LRRC3B: variants seen among roughly 807,000 people sequenced by gnomAD.
LRRC3B encodes leucine-rich repeat-containing protein 3B.
LRRC3B carries 2 observed loss-of-function variants against 12.8 expected under a neutral mutation model. The observed-to-expected ratio is 0.16, with a 90% CI of 0.06 to 0.49. The LOEUF (loss-of-function observed/expected upper bound fraction) is 0.49, where lower values mean the gene tolerates loss of function less well. LRRC3B is among the 20% of genes least tolerant of loss of function. The pLI, the probability that LRRC3B is intolerant of heterozygous loss-of-function variation, is 0.96. For missense variants in LRRC3B, 189 were observed against 319.4 expected (o/e 0.59, Z 3.11); for synonymous variants, 132 against 122.0 (o/e 1.08, Z -0.54).
intron 1 of LRRC3B, among the ~76,000 whole-genome samples, chr3:26,685,523 C>CTCTCTATATA (rs1200535225): frequency 1.0e-4 from 4 of 38,302 alleles, no homozygotes; most frequent in African/African-American, 3.8e-4. Context: ...CTCTCTCTCT[C>CTCTCTATATA]TATATATATA....
intron 1 of LRRC3B, among the ~76,000 whole-genome samples, chr3:26,626,930 C>T (rs963420275): frequency 7.9e-5 from 12 of 152,250 alleles, no homozygotes; most frequent in African/African-American, 2.4e-4. Context: ...GGGAATTTTT[C>T]CTATCACAGG....
intron 1 of LRRC3B, among the ~76,000 whole-genome samples, chr3:26,678,948 G>A (rs141685862): frequency 1.3e-5 from 2 of 152,190 alleles, no homozygotes; most frequent in East Asian, 3.9e-4. Flanking sequence ...GGAGTATTTG[G>A]GTGGGCTCTG....
intron 1 of LRRC3B, chr3:26,624,944 T>TG (rs1251864488): frequency 6.6e-6 from 1 of 152,172 alleles, no homozygotes; most frequent in Non-Finnish European, 1.5e-5. Context: ...TATTTCCTGG[T>TG]GGGGGCACAG....
At chr3:26,676,000 A>G (rs772378106) in intron 1 of LRRC3B, among the ~76,000 whole-genome samples, 1 of 146,418 alleles carries the variant, frequency 6.8e-6, no homozygotes. Flanking sequence ...CCCAATCTTT[A>G]TTTTCATGAC....
intron 1 of LRRC3B, among the ~76,000 whole-genome samples, chr3:26,686,368 C>G (rs184835727): frequency 6.6e-6 from 1 of 152,164 alleles, no homozygotes; most frequent in Non-Finnish European, 1.5e-5. Context: ...CGTGAGCCAC[C>G]GCGCCCGGCC....
At chr3:26,669,231 G>T (rs1559360863) in intron 1 of LRRC3B, among the ~76,000 whole-genome samples, 1 of 152,114 alleles carries the variant, frequency 6.6e-6, no homozygotes, top group Non-Finnish European at 1.5e-5. Context: ...GCAAAAATTC[G>T]ATGGGAAGAT....
intron 1 of LRRC3B, chr3:26,625,254 G>A (rs780747828): frequency 1.3e-5 from 2 of 152,272 alleles, no homozygotes; most frequent in African/African-American, 2.4e-5. Context: ...TGGGTCCCTC[G>A]CCTTGGCCAC....
chr3:26,623,091 C>T (rs569406910), exon 1 of LRRC3B: 12 of 152,264 alleles, frequency 7.9e-5, no homozygotes, highest in African/African-American at 2.9e-4. Context: ...CCGGCCCGGT[C>T]CCAGGTGGGC....
chr3:26,649,921 C>T (rs146002018), intron 1 of LRRC3B, among the ~76,000 whole-genome samples: 1 of 152,024 alleles, frequency 6.6e-6, no homozygotes, highest in African/African-American at 2.4e-5. Flanking sequence ...CCACTTGGAA[C>T]TTTCTCCCTC....
chr3:26,646,221 G>T (rs1277359443), intron 1 of LRRC3B, among the ~76,000 whole-genome samples: 2 of 152,138 alleles, frequency 1.3e-5, no homozygotes, highest in Non-Finnish European at 2.9e-5. Context: ...GAATAATACA[G>T]CAGGAAGCCT....
intron 1 of LRRC3B, among the ~76,000 whole-genome samples, chr3:26,700,389 T>C (rs1700424302): frequency 6.6e-6 from 1 of 152,156 alleles, no homozygotes; most frequent in African/African-American, 2.4e-5. Flanking sequence ...GCATGTTAAA[T>C]GAGACCTGTT....
At chr3:26,651,116 T>G (rs146684194) in intron 1 of LRRC3B, among the ~76,000 whole-genome samples, 153 of 152,344 alleles carry the variant, frequency 1.0e-3, no homozygotes, top group African/African-American at 3.4e-3. Flanking sequence ...TTTGTTCCAT[T>G]CCATGATGAT....
intron 1 of LRRC3B, among the ~76,000 whole-genome samples, chr3:26,632,901 A>G (rs1698788624): frequency 6.6e-6 from 1 of 151,884 alleles, no homozygotes; most frequent in Non-Finnish European, 1.5e-5. Context: ...GATTGTCCAC[A>G]TTTTTTCTCT....
chr3:26,710,432 G>A (rs1260034150), exon 2 of LRRC3B: 7 of 1,611,244 alleles, frequency 4.3e-6, no homozygotes, highest in Non-Finnish European at 5.9e-6. Flanking sequence ...TGAACCTGAT[G>A]ATATTAGCAC....
chr3:26,635,564 A>T (rs952745693), intron 1 of LRRC3B, among the ~76,000 whole-genome samples: 3 of 152,188 alleles, frequency 2.0e-5, no homozygotes, highest in African/African-American at 7.2e-5. Context: ...GCTGTCTGCA[A>T]CCCAAGGAAA....
chr3:26,671,453 A>G (rs1396940369), intron 1 of LRRC3B, among the ~76,000 whole-genome samples: 9 of 131,930 alleles, frequency 6.8e-5, no homozygotes, highest in Non-Finnish European at 1.4e-4. Flanking sequence ...GTGCAGTGGC[A>G]TGATCTCAGC....
intron 1 of LRRC3B, among the ~76,000 whole-genome samples, chr3:26,626,588 C>T (rs943997192): frequency 6.6e-6 from 1 of 152,136 alleles, no homozygotes; most frequent in Admixed American, 6.5e-5. Flanking sequence ...ATGCTCACTC[C>T]TGCTGTTTTT....
intron 1 of LRRC3B, among the ~76,000 whole-genome samples, chr3:26,661,066 G>T (rs1299288448): frequency 2.0e-5 from 3 of 152,152 alleles, no homozygotes; most frequent in African/African-American, 7.2e-5. Context: ...AAAACATCCT[G>T]AATAGATTGT....
At chr3:26,658,115 T>C (rs2125420540) in intron 1 of LRRC3B, among the ~76,000 whole-genome samples, 1 of 152,296 alleles carries the variant, frequency 6.6e-6, no homozygotes, top group Admixed American at 6.5e-5. Flanking sequence ...CTCGCTCTGT[T>C]GCCCAGGCTG....
Sources: allele counts gnomAD v4.1 joint callset (sites outside exome capture counted in the v4.1 genomes callset), GRCh38; gene constraint gnomAD v4.1.1; transcripts MANE v1.5; gene names NCBI Gene and HGNC (gene_info 2026-07-23, HGNC 2026-07-21).